The following GCNA variants were observed in gnomAD, a reference collection of about 807,000 sequenced individuals.
GCNA encodes germ cell nuclear acidic protein.
GCNA carries 3 observed loss-of-function variants against 38.8 expected under a neutral mutation model. That is an observed-to-expected ratio of 0.08 (90% CI 0.04 to 0.20). The LOEUF is 0.20. Among genes scored for constraint, GCNA ranks in the 10% least tolerant of loss-of-function variants. GCNA has a pLI of 1.00. For synonymous variants in GCNA, 195 were observed against 240.2 expected (o/e 0.81, Z 1.74); for missense variants, 446 against 578.6 (o/e 0.77, Z 2.35).
At chrX:71,603,512 A>G in intron 7 of GCNA, 76 bp from the exon 8 acceptor site, 1 of 1,134,011 alleles carries the variant, frequency 8.8e-7, no homozygotes, top group Non-Finnish European at 1.2e-6. Context: ...GTGCTAAATA[A>G]TCTGCTGAAA....
At chrX:71,585,141 T>C (rs2040575542) in intron 2 of GCNA, among the ~76,000 whole-genome samples, 1 of 108,653 alleles carries the variant, frequency 9.2e-6, no homozygotes, top group Non-Finnish European at 1.9e-5. Context: ...TGAAACCCTG[T>C]CTCTACAAAA....
At chrX:71,579,637 G>T (rs1464872617) in intron 1 of GCNA, among the ~76,000 whole-genome samples, 1 of 106,753 alleles carries the variant, frequency 9.4e-6, no homozygotes, top group African/African-American at 3.4e-5. Flanking sequence ...TGGGGGTTGA[G>T]GTCTCTTTGG....
At chrX:71,593,419 G>A (rs953961681) in intron 4 of GCNA, among the ~76,000 whole-genome samples, 1 of 111,960 alleles carries the variant, frequency 8.9e-6, no homozygotes, top group Non-Finnish European at 1.9e-5. Context: ...GACAGTGGAT[G>A]TCCAGCCGGC....
At chrX:71,611,020 AG>A (rs2040806502) in intron 11 of GCNA, among the ~76,000 whole-genome samples, 1 of 112,448 alleles carries the variant, frequency 8.9e-6, no homozygotes, top group South Asian at 3.7e-4. Flanking sequence ...TCTTTATACC[AG>A]GCCTGCCTTT....
chrX:71,599,617 A>G (rs2040697862), intron 7 of GCNA, among the ~76,000 whole-genome samples: 1 of 112,280 alleles, frequency 8.9e-6, no homozygotes, highest in Admixed American at 9.4e-5. Context: ...GAATGCTCCT[A>G]TAGGACTGGC....
At chrX:71,578,908 G>A (rs895037519) in intron 1 of GCNA, among the ~76,000 whole-genome samples, 24 of 107,551 alleles carry the variant, frequency 2.2e-4, no homozygotes, top group Non-Finnish European at 2.9e-4. Context: ...TGCCAGTGGC[G>A]GGTGGAGAGA....
chrX:71,607,516 T>C (rs1443985482), intron 9 of GCNA, among the ~76,000 whole-genome samples: 1 of 112,732 alleles, frequency 8.9e-6, no homozygotes, highest in Admixed American at 9.4e-5. Flanking sequence ...CCAGCTAAGA[T>C]AAAAATGCTT....
chrX:71,584,451 C>T (rs956907279), intron 2 of GCNA, among the ~76,000 whole-genome samples: 13 of 111,197 alleles, frequency 1.2e-4, no homozygotes, highest in Admixed American at 8.5e-4. Context: ...GGTTTCGCCG[C>T]CAAGTTGCCC....
At chrX:71,580,779 C>G in intron 1 of GCNA, 41 bp from the exon 2 acceptor site, 1 of 1,168,453 alleles carries the variant, frequency 8.6e-7, no homozygotes, top group Non-Finnish European at 1.2e-6. Flanking sequence ...CGGCCGAGTT[C>G]TGGCTTTCTT....
At position 71,580,894 on chromosome X, in the gene GCNA, A is replaced by T; in HGVS notation, c.59+14A>T. ...GGACGAGGATTGGTGAGATTTAGAA[A>T]GTTCTGTTTTCTTTTAGTTTAGTGT... On this transcript the variant is annotated intron_variant, in intron 2 of 12. Coordinates refer to ENST00000373696, the MANE Select transcript of GCNA (RefSeq NM_052957.5). 1 of 1,187,248 alleles carries T rather than the reference A, an allele frequency of 8.4e-7. No homozygotes were observed.
intron 11 of GCNA, 56 bp downstream of exon 11, chrX:71,610,875 C>A: frequency 8.4e-7 from 1 of 1,192,319 alleles, no homozygotes; most frequent in Admixed American, 2.2e-5. Context: ...TGACACCGTG[C>A]CTGTGAAATT....
Position 71,612,456 on chromosome X carries a change from A to G in GCNA, c.1852A>G (p.Arg618Gly). ...TGGTGACGCATGGAAGTATTATGCC[A>G]GGAAATCCAACAGGATACACCCGGA... ...SHGDAWKYYA[R>G]KSNRIHPELP... is the part of the protein sequence containing the mutation. Residue 618 changes from arginine (R) to glycine (G), a missense_variant, in exon 12 of 13, where the codon AGG becomes GGG. Coordinates refer to ENST00000373696, the MANE Select transcript of GCNA (RefSeq NM_052957.5). The G allele has an allele frequency of 8.3e-7, 1 of 1,209,471 alleles. No homozygotes were observed. The highest frequency in any genetic ancestry group is 1.1e-6 in the Non-Finnish European group (1 of 894,470).
Position 71,613,007 on chromosome X carries a change from T to C in GCNA, c.*25T>C. 8.3e-7 allele frequency: 1 copy of C among 1,205,706 alleles called. No individual in the cohort carries two copies. On this transcript the variant is annotated 3_prime_UTR_variant, in exon 13 of 13. Transcript: ENST00000373696. ...ACCATTTGCTGTGTATGTGCAGAAG[T>C]ATTATAGAAAAATTATGCAGGAGAT...
At chrX:71,592,279 G>A in intron 3 of GCNA, 111 bp downstream of exon 3, 2 of 633,614 alleles carry the variant, frequency 3.2e-6, no homozygotes, top group South Asian at 2.9e-5. Context: ...TCACCTCTAG[G>A]GCTCTCTTTA....
chrX:71,603,467 A>T, intron 7 of GCNA, 121 bp from the exon 8 acceptor site: 1 of 1,027,129 alleles, frequency 9.7e-7, no homozygotes, highest in Non-Finnish European at 1.3e-6. Context: ...CTTAACTGCT[A>T]TTCAAAATGT....
chrX:71,581,369 C>A (rs1356176565), intron 2 of GCNA, among the ~76,000 whole-genome samples: 4 of 111,600 alleles, frequency 3.6e-5, no homozygotes, highest in African/African-American at 1.3e-4. Flanking sequence ...TGCTCTGTCG[C>A]CCGGGTTGGA....
intron 5 of GCNA, 81 bp from the exon 6 acceptor site, chrX:71,594,665 G>A: frequency 1.8e-6 from 1 of 565,846 alleles, no homozygotes; most frequent in African/African-American, 2.6e-5. Context: ...TATAGACTTT[G>A]GTTTTAGGGA....
In GCNA at chrX:71,588,033, G is replaced by T. The variant is rs760038405; in HGVS notation, c.60-4089G>T. Among the ~76,000 whole-genome samples, 24 of 111,491 alleles carry T rather than the reference G, an allele frequency of 2.2e-4. No individual in the cohort carries two copies. In the South Asian group the frequency reaches 8.3e-3, roughly 38 times the overall value. ...TGGTCTAGAGCTCCTGGGTTCAAGG[G>T]ATCCACCCACCTTGGCTTCCTAAAT... On this transcript the variant is annotated intron_variant, in intron 2 of 12. Transcript: ENST00000373696.
intron 4 of GCNA, among the ~76,000 whole-genome samples, chrX:71,593,594 C>A (rs1463110001): frequency 9.5e-6 from 1 of 105,019 alleles, no homozygotes; most frequent in African/African-American, 3.5e-5. Context: ...AAGCAAGAGG[C>A]CCCAGCATCG....
Sources: allele counts gnomAD v4.1 joint callset (sites outside exome capture counted in the v4.1 genomes callset), GRCh38; gene constraint gnomAD v4.1.1; transcripts MANE v1.5; gene names NCBI Gene and HGNC (gene_info 2026-07-23, HGNC 2026-07-21).